The following CDH23 variants were observed in gnomAD, a reference collection of about 807,000 sequenced individuals.
CDH23 encodes the protein cadherin-23.
Under a neutral mutation model 317.1 loss-of-function variants are expected in CDH23, and 189 were observed. That is an observed-to-expected ratio of 0.60 (90% CI 0.53 to 0.67). The LOEUF is 0.67. CDH23 is among the 30% of genes least tolerant of loss of function. The probability of loss-of-function intolerance (pLI) is 0.00; values close to 1 mark genes in which losing one functional copy is unlikely to be tolerated. For synonymous variants in CDH23, 1,839 were observed against 1,876.8 expected (o/e 0.98, Z 0.52); for missense variants, 4,401 against 4,592.4 (o/e 0.96, Z 1.20).
chr10:71,734,428 A>G (rs1839496800), intron 33 of CDH23, 87 bp downstream of exon 33: 1 of 1,493,124 alleles, frequency 6.7e-7, no homozygotes, highest in African/African-American at 1.4e-5. Flanking sequence ...CAGCCACCCA[A>G]TGTATGGGCC....
chr10:71,736,111 C>A (rs186068726), intron 34 of CDH23, among the ~76,000 whole-genome samples: 153 of 152,380 alleles, frequency 1.0e-3, no homozygotes, highest in Non-Finnish European at 1.7e-3. Flanking sequence ...GACTGCCAGC[C>A]ACTTCCTCAG....
intron 14 of CDH23, among the ~76,000 whole-genome samples, chr10:71,670,803 T>C (rs1864111621): frequency 6.6e-6 from 1 of 152,154 alleles, no homozygotes; most frequent in Admixed American, 6.5e-5. Flanking sequence ...GGGCCTCTTA[T>C]GAGAGCCTTC....
intron 3 of CDH23, among the ~76,000 whole-genome samples, chr10:71,483,143 T>C (rs12782968): frequency 0.16 from 24,604 of 152,242 alleles, 2,052 homozygotes; most frequent in East Asian, 0.22. Context: ...AGGCTGGGGC[T>C]GGGGGCTTTG....
chr10:71,756,781 G>A (rs994596049), intron 38 of CDH23, among the ~76,000 whole-genome samples: 9 of 152,156 alleles, frequency 5.9e-5, no homozygotes, highest in East Asian at 1.9e-4. Context: ...TGTCAACTTC[G>A]CCCCAAAGAG....
chr10:71,480,492 G>A (rs530521269), intron 3 of CDH23, among the ~76,000 whole-genome samples: 34 of 152,352 alleles, frequency 2.2e-4, no homozygotes, highest in South Asian at 1.7e-3. Flanking sequence ...CTGGAGCCTG[G>A]GCTGTTGGAG....
chr10:71,452,116 G>A (rs1368955544), intron 3 of CDH23, among the ~76,000 whole-genome samples: 5 of 152,174 alleles, frequency 3.3e-5, no homozygotes, highest in Non-Finnish European at 5.9e-5. Flanking sequence ...CCAGCTGCCC[G>A]CCTGAGCTGT....
At chr10:71,540,881 A>G (rs1855949163) in intron 6 of CDH23, among the ~76,000 whole-genome samples, 2 of 151,938 alleles carry the variant, frequency 1.3e-5, no homozygotes, top group South Asian at 4.2e-4. Context: ...TCCCTGGGCC[A>G]GCTGCACACT....
chr10:71,622,980 C>G, intron 11 of CDH23: 2 of 984,468 alleles, frequency 2.0e-6, no homozygotes, highest in East Asian at 1.1e-4. Flanking sequence ...CTGAAACTTA[C>G]GCAGGTTGGG....
chr10:71,588,392 T>C (rs1457747293), intron 9 of CDH23, among the ~76,000 whole-genome samples: 3 of 152,126 alleles, frequency 2.0e-5, no homozygotes, highest in Non-Finnish European at 4.4e-5. Flanking sequence ...CCTCAGTTTC[T>C]TCATCTGTGA....
chr10:71,771,847 T>C (rs1840693219), intron 38 of CDH23, among the ~76,000 whole-genome samples: 1 of 151,744 alleles, frequency 6.6e-6, no homozygotes, highest in Non-Finnish European at 1.5e-5. Flanking sequence ...GTGCCCTGGA[T>C]CTCTAGAAAT....
In CDH23 at chr10:71,687,708, A is replaced by G; in HGVS notation, c.2048A>G (p.Asn683Ser). The G allele has an allele frequency of 6.2e-7, 1 of 1,613,692 alleles. No individual in the cohort carries two copies. ...GCCTACTTCGTCTCCGTGGTGGAGA[A>G]CATCATGGCAGGTACAGGCTCAGGT... ...KPAYFVSVVE[N>S]IMAGATVLFL... The change falls in exon 19 of 70, where the codon AAC becomes AGC. Residue 683 changes from asparagine to serine, a missense_variant. Asn to Ser is a conservative substitution (Grantham distance 46). Coordinates refer to ENST00000224721, the MANE Select transcript of CDH23 (RefSeq NM_022124.6).
At chr10:71,755,537 C>G in intron 38 of CDH23, 1 of 1,431,780 alleles carries the variant, frequency 7.0e-7, no homozygotes, top group Non-Finnish European at 9.6e-7. Context: ...AACTGAGGCT[C>G]AGAGAGGGAA....
chr10:71,544,772 T>C (rs920009387), intron 6 of CDH23, among the ~76,000 whole-genome samples: 2 of 152,202 alleles, frequency 1.3e-5, no homozygotes, highest in Non-Finnish European at 2.9e-5. Context: ...GGGAAGAAGA[T>C]AGTGCTCCGT....
chr10:71,549,050 C>G (rs1458337453), intron 6 of CDH23, among the ~76,000 whole-genome samples: 1 of 152,236 alleles, frequency 6.6e-6, no homozygotes, highest in African/African-American at 2.4e-5. Flanking sequence ...TGAGGCAGAG[C>G]GTAAGCAGGG....
chr10:71,647,543 G>A (rs1363694001), intron 14 of CDH23: 1 of 152,172 alleles, frequency 6.6e-6, no homozygotes, highest in Non-Finnish European at 1.5e-5. Context: ...TTCAACACTG[G>A]GCTCTGCTTT....
intron 11 of CDH23, among the ~76,000 whole-genome samples, chr10:71,626,804 C>G (rs1298259806): frequency 6.6e-6 from 1 of 152,174 alleles, no homozygotes; most frequent in Non-Finnish European, 1.5e-5. Context: ...AAGGTGGTAA[C>G]TGGGATCTGG....
intron 3 of CDH23, among the ~76,000 whole-genome samples, chr10:71,460,109 A>G (rs1850903812): frequency 6.6e-6 from 1 of 152,262 alleles, no homozygotes; most frequent in Non-Finnish European, 1.5e-5. Flanking sequence ...CCAAGGGCTC[A>G]TAGGCATTAA....
At chr10:71,694,572 G>GTC (rs1179610406) in intron 21 of CDH23, among the ~76,000 whole-genome samples, 3 of 152,144 alleles carry the variant, frequency 2.0e-5, no homozygotes, top group Non-Finnish European at 4.4e-5. Context: ...CCTTGCCTTG[G>GTC]TGCCTGTCAA....
intron 1 of CDH23, among the ~76,000 whole-genome samples, chr10:71,398,551 G>A (rs990145605): frequency 6.6e-6 from 1 of 151,472 alleles, no homozygotes; most frequent in African/African-American, 2.4e-5. Flanking sequence ...TAAGAACCTA[G>A]TTGGGGCCAG....
Sources: allele counts gnomAD v4.1 joint callset (sites outside exome capture counted in the v4.1 genomes callset), GRCh38; gene constraint gnomAD v4.1.1; transcripts MANE v1.5; gene names NCBI Gene and HGNC (gene_info 2026-07-23, HGNC 2026-07-21).